The following DYNC1I2 variants were observed in gnomAD, a reference collection of about 807,000 sequenced individuals.
The protein encoded by DYNC1I2 is dynein cytoplasmic 1 intermediate chain 2.
In DYNC1I2, 53 loss-of-function variants were observed where a neutral mutation model predicts 88.6. The ratio of observed to expected loss-of-function variants is 0.60; its 90% confidence interval spans 0.48 to 0.75. The LOEUF (loss-of-function observed/expected upper bound fraction) is 0.75. Ranked by LOEUF, DYNC1I2 falls within the 30% of genes least tolerant of loss-of-function variation. DYNC1I2 has a pLI of 0.00. For missense variants in DYNC1I2, 458 were observed against 766.6 expected, an observed-to-expected ratio of 0.60 and a Z score of 4.75; for synonymous variants, 198 against 254.6, an observed-to-expected ratio of 0.78 and a Z score of 2.12.
intron 16 of DYNC1I2, among the ~76,000 whole-genome samples, chr2:171,744,429 A>G (rs1464257798): frequency 6.6e-6 from 1 of 152,184 alleles, no homozygotes; most frequent in Admixed American, 6.6e-5. Flanking sequence ...GAAAAGCACT[A>G]TCATGTCTCT....
At chr2:171,729,980 A>G (rs1338743490) in intron 15 of DYNC1I2, 127 bp downstream of exon 15, 3 of 1,108,430 alleles carry the variant, frequency 2.7e-6, no homozygotes, top group Non-Finnish European at 1.3e-6. Context: ...GCCTGCTAGG[A>G]AGTTACACAG....
At chr2:171,688,353 G>T (rs945858681) in intron 1 of DYNC1I2, 2 of 152,186 alleles carry the variant, frequency 1.3e-5, no homozygotes, top group African/African-American at 2.4e-5. Context: ...GAAGGCTCTG[G>T]CTTCTGTGAG....
At chr2:171,720,672 A>G (rs1687839274) in intron 7 of DYNC1I2, among the ~76,000 whole-genome samples, 1 of 152,198 alleles carries the variant, frequency 6.6e-6, no homozygotes, top group African/African-American at 2.4e-5. Flanking sequence ...CAGAGGTTGC[A>G]TTGAGCCACG....
In DYNC1I2 at chr2:171,707,273, A is replaced by G. The variant is rs745817713; in HGVS notation, c.245-14A>G. 8.1e-6 allele frequency: 13 copies of G among 1,613,584 alleles called. No homozygotes were observed. In the African/African-American group the frequency reaches 9.3e-5, roughly 12 times the overall value. The stretch of plus-strand genomic sequence containing the variant: ...GTGTAGTAACAGCGGATACCTGTCT[A>G]TTTCACTATTTAGTCCCTCCTCCTA... On this transcript the variant is annotated splice_polypyrimidine_tract_variant and intron_variant, in intron 4 of 17. Transcript: ENST00000397119.
intron 5 of DYNC1I2, among the ~76,000 whole-genome samples, chr2:171,707,797 T>C (rs1559374565): frequency 6.6e-6 from 1 of 152,164 alleles, no homozygotes; most frequent in African/African-American, 2.4e-5. Flanking sequence ...TTCAATTCTG[T>C]TCTATTAAGT....
chr2:171,716,760 G>A (rs1687522370), intron 7 of DYNC1I2, among the ~76,000 whole-genome samples: 2 of 152,012 alleles, frequency 1.3e-5, no homozygotes, highest in South Asian at 4.1e-4. Flanking sequence ...ACAAAAATTA[G>A]CCGAGCGTGG....
chr2:171,711,464 TA>T (rs1553584485), intron 5 of DYNC1I2, among the ~76,000 whole-genome samples: 1 of 152,228 alleles, frequency 6.6e-6, no homozygotes, highest in Non-Finnish European at 1.5e-5. Flanking sequence ...GATTTTAGAC[TA>T]AAATGACATC....
At chr2:171,690,856 A>G (rs1685353142) in intron 2 of DYNC1I2, among the ~76,000 whole-genome samples, 1 of 151,884 alleles carries the variant, frequency 6.6e-6, no homozygotes, top group Admixed American at 6.6e-5. Context: ...AGGTTTTGCC[A>G]TGTTACCCAG....
intron 17 of DYNC1I2, among the ~76,000 whole-genome samples, chr2:171,747,207 T>TATATATA (rs1491354708): frequency 5.6e-5 from 7 of 124,668 alleles, no homozygotes; most frequent in South Asian, 2.8e-4. Context: ...AAAAAAAAAA[T>TATATATA]TATATATATA....
At chr2:171,713,286 C>T (rs1051116641) in intron 6 of DYNC1I2, among the ~76,000 whole-genome samples, 3 of 151,936 alleles carry the variant, frequency 2.0e-5, no homozygotes, top group Non-Finnish European at 4.4e-5. Context: ...TAAAACTATT[C>T]ATGAATCTAG....
At chr2:171,743,590 T>C (rs1574642645) in intron 15 of DYNC1I2, among the ~76,000 whole-genome samples, 1 of 152,204 alleles carries the variant, frequency 6.6e-6, no homozygotes, top group Non-Finnish European at 1.5e-5. Context: ...GCAAGTCTTG[T>C]AGTTGTGAGA....
chr2:171,712,367 A>T (rs2105582883), intron 5 of DYNC1I2: 1 of 162,554 alleles, frequency 6.2e-6, no homozygotes, highest in South Asian at 1.8e-4. Flanking sequence ...AGATGTTTTA[A>T]TGTGTTTGTT....
At chr2:171,691,751 C>T (rs1035955780) in intron 2 of DYNC1I2, among the ~76,000 whole-genome samples, 7 of 152,006 alleles carry the variant, frequency 4.6e-5, no homozygotes, top group African/African-American at 1.7e-4. Flanking sequence ...TAATGATGGC[C>T]ATAACTGGCA....
chr2:171,706,211 G>A (rs1049543299), intron 3 of DYNC1I2, among the ~76,000 whole-genome samples: 4 of 151,870 alleles, frequency 2.6e-5, no homozygotes, highest in African/African-American at 9.7e-5. Context: ...TTAAAAGAAG[G>A]GCTTTCAGCT....
chr2:171,739,263 AAAC>A (rs1487194828), intron 15 of DYNC1I2, among the ~76,000 whole-genome samples: 1 of 152,170 alleles, frequency 6.6e-6, no homozygotes, highest in Non-Finnish European at 1.5e-5. Flanking sequence ...TTTAAATTAA[AAAC>A]AAACATTTTG....
chr2:171,710,214 G>A (rs1390344606), intron 5 of DYNC1I2, among the ~76,000 whole-genome samples: 1 of 151,292 alleles, frequency 6.6e-6, no homozygotes, highest in Admixed American at 6.6e-5. Flanking sequence ...AGCTTTCATA[G>A]AGGTAATTAA....
chr2:171,745,406 C>T (rs968725449), intron 16 of DYNC1I2, among the ~76,000 whole-genome samples: 1 of 152,164 alleles, frequency 6.6e-6, no homozygotes, highest in South Asian at 2.1e-4. Flanking sequence ...TGATTCTTGT[C>T]CTTTACAACT....
chr2:171,742,782 T>G (rs529692039), intron 15 of DYNC1I2, among the ~76,000 whole-genome samples: 1 of 152,360 alleles, frequency 6.6e-6, no homozygotes, highest in Admixed American at 6.5e-5. Flanking sequence ...CCACCACTTC[T>G]GTCTGAACTT....
At chr2:171,717,575 T>G (rs1405239263) in intron 7 of DYNC1I2, among the ~76,000 whole-genome samples, 1 of 152,166 alleles carries the variant, frequency 6.6e-6, no homozygotes, top group African/African-American at 2.4e-5. Flanking sequence ...CACAAGCAAC[T>G]TTTTTTAAAA....
Sources: allele counts gnomAD v4.1 joint callset (sites outside exome capture counted in the v4.1 genomes callset), GRCh38; gene constraint gnomAD v4.1.1; transcripts MANE v1.5; gene names NCBI Gene and HGNC (gene_info 2026-07-23, HGNC 2026-07-21).